Variants in KCNIP4 observed in about 807,000 individuals in gnomAD.
KCNIP4 encodes potassium voltage-gated channel interacting protein 4.
KCNIP4 carries 12 observed loss-of-function variants against 34.0 expected under a neutral mutation model. The observed-to-expected ratio is 0.35, with a 90% CI of 0.23 to 0.57. The LOEUF is 0.57. Among genes scored for constraint, KCNIP4 ranks in the 20% least tolerant of loss-of-function variants. The probability of loss-of-function intolerance (pLI) is 0.83; values close to 1 mark genes in which losing one functional copy is unlikely to be tolerated. For synonymous variants in KCNIP4, 124 were observed against 102.2 expected (o/e 1.21, Z -1.29); for missense variants, 238 against 311.7 (o/e 0.76, Z 1.78).
At chr4:20,925,755 A>G (rs1729837681) in intron 1 of KCNIP4, among the ~76,000 whole-genome samples, 1 of 152,130 alleles carries the variant, frequency 6.6e-6, no homozygotes, top group African/African-American at 2.4e-5. Flanking sequence ...GATTTATTAC[A>G]TGGTTACAAT....
chr4:21,671,083 C>T (rs1749466639), intron 1 of KCNIP4, among the ~76,000 whole-genome samples: 1 of 150,720 alleles, frequency 6.6e-6, no homozygotes, highest in Non-Finnish European at 1.5e-5. Flanking sequence ...TGTGTTTCTA[C>T]AGGTCATATT....
chr4:21,869,901 G>A (rs1161834438), intron 1 of KCNIP4, among the ~76,000 whole-genome samples: 1 of 152,140 alleles, frequency 6.6e-6, no homozygotes, highest in Non-Finnish European at 1.5e-5. Flanking sequence ...TGAGGTGTCT[G>A]AGAGATAACC....
intron 1 of KCNIP4, among the ~76,000 whole-genome samples, chr4:21,760,161 C>G (rs1717947910): frequency 6.6e-6 from 1 of 152,024 alleles, no homozygotes; most frequent in Non-Finnish European, 1.5e-5. Context: ...AAACTTATCT[C>G]CCTTGCTACT....
At position 21,234,232 on chromosome 4, in the gene KCNIP4, A is replaced by T. The variant is rs1487896520; in HGVS notation, c.62-351523T>A. 3.4e-4 allele frequency among the ~76,000 whole-genome samples: 14 copies of T among 41,146 alleles called. 1 individual carries two copies. The highest frequency in any genetic ancestry group is 1.2e-3 in the African/African-American group (6 of 5,182). 27.0% of individuals were successfully genotyped at this position (41,146 alleles called of 152,430 possible). ...AACGTATATTATATATAACATATAT[A>T]ACATATATATAACATATATTATATA... On this transcript the variant is annotated intron_variant, in intron 1 of 8. Coordinates refer to ENST00000382152, the MANE Select transcript of KCNIP4 (RefSeq NM_025221.6).
intron 1 of KCNIP4, among the ~76,000 whole-genome samples, chr4:21,237,341 G>C (rs1283111885): frequency 6.6e-6 from 1 of 152,004 alleles, no homozygotes; most frequent in African/African-American, 2.4e-5. Flanking sequence ...AACGAGTTCA[G>C]GCACTTACAA....
chr4:21,662,256 A>C (rs762791679), intron 1 of KCNIP4, among the ~76,000 whole-genome samples: 32 of 152,320 alleles, frequency 2.1e-4, no homozygotes, highest in Admixed American at 2.6e-4. Flanking sequence ...ATTTTTCTTA[A>C]AGCCTTTTCC....
intron 1 of KCNIP4, among the ~76,000 whole-genome samples, chr4:21,088,457 T>G (rs1746667808): frequency 6.6e-6 from 1 of 152,162 alleles, no homozygotes; most frequent in Non-Finnish European, 1.5e-5. Flanking sequence ...ACCCTACAAA[T>G]GCTTTCTGTA....
intron 1 of KCNIP4, among the ~76,000 whole-genome samples, chr4:21,005,520 A>G (rs1738476897): frequency 7.1e-6 from 1 of 140,558 alleles, no homozygotes; most frequent in African/African-American, 2.8e-5. Context: ...AAGATAATTT[A>G]TATTTCATAT....
intron 1 of KCNIP4, among the ~76,000 whole-genome samples, chr4:20,888,502 G>A (rs774566207): frequency 1.3e-5 from 2 of 152,110 alleles, no homozygotes; most frequent in African/African-American, 2.4e-5. Flanking sequence ...TCTTAAGGAT[G>A]ATACTGACAG....
At chr4:21,247,615 TTATATCTATATATTTAGA>T (rs1331583353) in intron 1 of KCNIP4, among the ~76,000 whole-genome samples, 2 of 138,012 alleles carry the variant, frequency 1.4e-5, no homozygotes, top group African/African-American at 2.6e-5. Context: ...GTATATATAT[TTATATCTATATATTTAGA>T]TATATCTATA....
intron 1 of KCNIP4, among the ~76,000 whole-genome samples, chr4:21,034,876 C>T (rs1000777517): frequency 3.3e-5 from 5 of 152,180 alleles, no homozygotes; most frequent in Non-Finnish European, 4.4e-5. Flanking sequence ...TTTACACCTG[C>T]AGAAACGTAC....
intron 1 of KCNIP4, among the ~76,000 whole-genome samples, chr4:21,394,265 T>A (rs1340061022): frequency 6.6e-6 from 1 of 152,164 alleles, no homozygotes; most frequent in African/African-American, 2.4e-5. Context: ...TCAGTGCTCC[T>A]TCAGAGGCCA....
intron 1 of KCNIP4, among the ~76,000 whole-genome samples, chr4:20,891,207 C>T (rs372396063): frequency 6.6e-5 from 10 of 152,240 alleles, no homozygotes; most frequent in African/African-American, 1.7e-4. Flanking sequence ...TTTTGAAACA[C>T]GGACAATGTT....
chr4:21,766,671 T>G (rs896121), intron 1 of KCNIP4, among the ~76,000 whole-genome samples: 6 of 151,930 alleles, frequency 3.9e-5, no homozygotes, highest in African/African-American at 1.5e-4. Context: ...AAAATAAAGA[T>G]TATTATTATC....
chr4:21,877,918 C>A (rs1268340420), intron 1 of KCNIP4, among the ~76,000 whole-genome samples: 2 of 152,310 alleles, frequency 1.3e-5, no homozygotes, highest in South Asian at 2.1e-4. Flanking sequence ...AGAGCCAGAG[C>A]CTTCTCAGAA....
chr4:21,344,164 C>T (rs75490620), intron 1 of KCNIP4, among the ~76,000 whole-genome samples: 2,896 of 152,192 alleles, frequency 0.019, 76 homozygotes, highest in East Asian at 0.084. Flanking sequence ...TTTCCAATAA[C>T]CACAGACCCT....
At chr4:21,106,507 G>T (rs952566711) in intron 1 of KCNIP4, among the ~76,000 whole-genome samples, 3 of 151,144 alleles carry the variant, frequency 2.0e-5, no homozygotes, top group African/African-American at 7.4e-5. Flanking sequence ...TATTAGTCTT[G>T]CTAGCAGTCT....
At chr4:20,908,701 A>T (rs980481074) in intron 1 of KCNIP4, among the ~76,000 whole-genome samples, 1 of 152,210 alleles carries the variant, frequency 6.6e-6, no homozygotes, top group Non-Finnish European at 1.5e-5. Flanking sequence ...GTTACTGTGC[A>T]GAGTTGACCA....
intron 1 of KCNIP4, among the ~76,000 whole-genome samples, chr4:21,053,480 C>T (rs963730367): frequency 6.6e-6 from 1 of 152,210 alleles, no homozygotes; most frequent in Non-Finnish European, 1.5e-5. Context: ...CCTCTCTCCA[C>T]TTCTTTTCAA....
Sources: gnomAD v4.1 joint callset for allele counts (sites outside exome capture counted in the v4.1 genomes callset) on GRCh38, gnomAD v4.1.1 for gene constraint, MANE v1.5 for transcripts, NCBI Gene and HGNC (gene_info 2026-07-23, HGNC 2026-07-21) for gene names.